The following RPA1 variants were observed in gnomAD, a reference collection of about 807,000 sequenced individuals.
RPA1 encodes replication protein A 70 kDa DNA-binding subunit.
In RPA1, 49 loss-of-function variants were observed where a neutral mutation model predicts 83.0. The observed-to-expected ratio is 0.59, with a 90% CI of 0.47 to 0.75. RPA1 has a LOEUF of 0.75. Ranked by LOEUF, RPA1 falls within the 30% of genes least tolerant of loss-of-function variation. The pLI is 0.00. For synonymous variants in RPA1, 279 were observed against 281.8 expected (o/e 0.99, Z 0.10); for missense variants, 693 against 776.1 (o/e 0.89, Z 1.27).
intron 5 of RPA1, among the ~76,000 whole-genome samples, chr17:1,864,587 G>A (rs2151280694): frequency 6.6e-6 from 1 of 152,038 alleles, no homozygotes; most frequent in African/African-American, 2.4e-5. Context: ...TCTTCAATTA[G>A]TCCATAACTA....
intron 13 of RPA1, among the ~76,000 whole-genome samples, chr17:1,885,797 C>T (rs1413153000): frequency 6.6e-6 from 1 of 152,184 alleles, no homozygotes; most frequent in Non-Finnish European, 1.5e-5. Flanking sequence ...AATTTACTTT[C>T]CCCAGATCCA....
In RPA1 at chr17:1,878,787, G is replaced by A. The variant is rs144945471; in HGVS notation, c.691-206G>A. Reference sequence around the variant, plus strand: ...CTAGCTGAAATTCTCATTCTTCAGCGGGGCCAGTGACTTCAGTGTGTGACT... The same window carrying A: ...CTAGCTGAAATTCTCATTCTTCAGCAGGGCCAGTGACTTCAGTGTGTGACT... On this transcript the variant is annotated intron_variant, in intron 8 of 16. Coordinates refer to ENST00000254719, the MANE Select transcript of RPA1 (RefSeq NM_002945.5). Among the ~76,000 whole-genome samples the A allele has an allele frequency of 1.6e-3, 242 of 152,242 alleles. No individual in the cohort carries two copies. Among genetic ancestry groups the A allele is most frequent in the Middle Eastern group, 6.8e-3 (2 of 294 alleles).
intron 7 of RPA1, 44 bp downstream of exon 7, chr17:1,875,837 C>T (rs757533253): frequency 6.4e-6 from 10 of 1,568,318 alleles, no homozygotes; most frequent in East Asian, 2.3e-5. Context: ...CTTATGAAAT[C>T]GGAGAAGCTA....
At chr17:1,895,116 C>A in intron 16 of RPA1, 21 bp downstream of exon 16, 1 of 1,598,748 alleles carries the variant, frequency 6.3e-7, no homozygotes, top group Middle Eastern at 1.7e-4. Context: ...GCCTGGGCAG[C>A]AGGGTTGGTG....
In RPA1 at chr17:1,843,955, G is replaced by A. The variant is rs750212932; in HGVS notation, c.120G>A (p.Pro40=). 13 of 1,613,794 alleles carry A rather than the reference G, an allele frequency of 8.1e-6. No homozygotes were observed. The highest frequency in any genetic ancestry group is 3.3e-5 in the Admixed American group (2 of 59,936). The change falls in exon 3 of 17, where the codon CCG becomes CCA. Residue 40 remains proline, a synonymous_variant. Transcript: ENST00000254719. ...IRPITTGNSP[P]RYRLLMSDGL... Reference sequence around the variant, plus strand: ...CCATTACTACGGGGAATAGTCCGCCGCGTTATCGACTGCTCATGAGTGATG... The same window carrying A: ...CCATTACTACGGGGAATAGTCCGCCACGTTATCGACTGCTCATGAGTGATG...
chr17:1,839,695 T>A (rs1246976860), intron 1 of RPA1, among the ~76,000 whole-genome samples: 2 of 150,076 alleles, frequency 1.3e-5, no homozygotes, highest in Non-Finnish European at 1.5e-5. Flanking sequence ...TGCAGTGACA[T>A]ACATGATCAT....
chr17:1,840,477 A>T (rs146229270), intron 1 of RPA1, among the ~76,000 whole-genome samples: 17 of 152,122 alleles, frequency 1.1e-4, no homozygotes, highest in Non-Finnish European at 2.4e-4. Flanking sequence ...TAGCAGAGAC[A>T]GGGTTTCACC....
chr17:1,869,081 G>A (rs1459922184), intron 5 of RPA1, among the ~76,000 whole-genome samples: 1 of 152,220 alleles, frequency 6.6e-6, no homozygotes, highest in Non-Finnish European at 1.5e-5. Context: ...GTTTGTAGTT[G>A]TTAAGAAAGT....
intron 5 of RPA1, among the ~76,000 whole-genome samples, chr17:1,866,681 A>G (rs1458396434): frequency 3.5e-5 from 5 of 143,086 alleles, no homozygotes; most frequent in Admixed American, 6.9e-5. Flanking sequence ...GGCTGGTCTC[A>G]AACTCCTGAC....
Position 1,875,762 on chromosome 17 carries a change from C to G in RPA1, c.556C>G (p.Pro186Ala). Residue 186 changes from proline (P) to alanine (A), a missense_variant, in exon 7 of 17, where the codon CCC becomes GCC. Coordinates refer to ENST00000254719, the MANE Select transcript of RPA1 (RefSeq NM_002945.5). ...TSGGTQSKVVPIASLTPYQSK... is the reference protein window; with the variant it reads ...TSGGTQSKVVAIASLTPYQSK... The stretch of plus-strand genomic sequence containing the variant: ...TGGGGGAACACAGTCCAAAGTGGTG[C>G]CCATTGCCAGCCTCACTCCTTACCA... The G allele has an allele frequency of 6.2e-7, 1 of 1,614,064 alleles. No homozygotes were observed. The highest frequency in any genetic ancestry group is 8.5e-7 in the Non-Finnish European group (1 of 1,180,010).
chr17:1,872,563 G>A, intron 6 of RPA1, 37 bp downstream of exon 6: 1 of 1,605,774 alleles, frequency 6.2e-7, no homozygotes, highest in Non-Finnish European at 8.5e-7. Context: ...GACCAGGGGT[G>A]TCAGACTTCG....
Position 1,891,859 on chromosome 17 carries a change from T to C in RPA1, c.1578T>C (p.Asn526=). ...LSVNIADFQE[N]QWVTCFQESA... is the part of the protein sequence containing the mutation. ...TAAATATTGCAGATTTTCAAGAGAATCAGTGGGTGACTTGTTTCCAGGAGT... is the reference window on the plus strand; with the variant it reads ...TAAATATTGCAGATTTTCAAGAGAACCAGTGGGTGACTTGTTTCCAGGAGT... Residue 526 remains asparagine (N), a synonymous_variant, in exon 15 of 17, where the codon AAT becomes AAC. Transcript: ENST00000254719. The C allele has an allele frequency of 6.2e-7, 1 of 1,603,200 alleles. No homozygotes were observed. The highest frequency in any genetic ancestry group is 8.5e-7 in the Non-Finnish European group (1 of 1,171,540).
At position 1,859,181 on chromosome 17, in the gene RPA1, G is replaced by C. The variant is rs536646079; in HGVS notation, c.361+5992G>C. On this transcript the variant is annotated intron_variant, in intron 5 of 16. Coordinates refer to ENST00000254719, the MANE Select transcript of RPA1 (RefSeq NM_002945.5). Reference sequence around the variant, plus strand: ...GCCTCCCAAAGTGCTGGGATTACAGGAGTGACCCACCTTCCCCAGCCTTGA... The same window carrying C: ...GCCTCCCAAAGTGCTGGGATTACAGCAGTGACCCACCTTCCCCAGCCTTGA... Among the ~76,000 whole-genome samples the C allele has an allele frequency of 2.7e-3, 412 of 152,272 alleles. 1 individual carries two copies. The highest frequency in any genetic ancestry group is 9.5e-3 in the African/African-American group (395 of 41,568).
intron 13 of RPA1, among the ~76,000 whole-genome samples, chr17:1,886,242 A>G (rs1397677820): frequency 6.6e-6 from 1 of 152,224 alleles, no homozygotes; most frequent in Non-Finnish European, 1.5e-5. Flanking sequence ...AGTGGGCTTA[A>G]AATATTCAAT....
In RPA1 at chr17:1,836,720, G is replaced by A. The variant is rs183558172; in HGVS notation, c.34-6083G>A. Among the ~76,000 whole-genome samples, 217 of 150,378 alleles carry A rather than the reference G, an allele frequency of 1.4e-3. 1 individual carries two copies. The Middle Eastern group carries it at 0.028, about 19-fold the overall frequency. On this transcript the variant is annotated intron_variant, in intron 1 of 16. Transcript: ENST00000254719. Reference sequence around the variant, plus strand: ...TCTGTCACCCAGGCTGGAGTGCAGCGACACAGTCATGGCTCACTCCAGCCT... The same window carrying A: ...TCTGTCACCCAGGCTGGAGTGCAGCAACACAGTCATGGCTCACTCCAGCCT...
At chr17:1,831,625 A>G (rs1597410884) in intron 1 of RPA1, among the ~76,000 whole-genome samples, 2 of 147,456 alleles carry the variant, frequency 1.4e-5, no homozygotes, top group South Asian at 2.1e-4. Context: ...TTGAGCTGGA[A>G]TCTTGCTCTG....
intron 1 of RPA1, among the ~76,000 whole-genome samples, chr17:1,841,965 TATGTC>T (rs1454750441): frequency 6.6e-6 from 1 of 152,220 alleles, no homozygotes; most frequent in African/African-American, 2.4e-5. Flanking sequence ...ACTTGGATAA[TATGTC>T]ATGACATATT....
In RPA1 at chr17:1,899,345, A is replaced by G. The variant is rs1914567010; in HGVS notation, c.*2170A>G. On this transcript the variant is annotated 3_prime_UTR_variant, in exon 17 of 17. Coordinates refer to ENST00000254719, the MANE Select transcript of RPA1 (RefSeq NM_002945.5). ...GTTCTGTTTCTCCTCTTTCACTTAG[A>G]GATCAATGTTGATTTTGCGTACACC... 6.6e-6 allele frequency: 1 copy of G among 152,192 alleles called. No individual in the cohort carries two copies. The highest frequency in any genetic ancestry group is 1.9e-4 in the East Asian group (1 of 5,190). The allele number at this position is 152,192 out of a possible 1,614,324, so 9.4% of individuals were successfully genotyped here.
intron 5 of RPA1, among the ~76,000 whole-genome samples, chr17:1,853,555 C>T (rs921828765): frequency 1.3e-5 from 2 of 152,132 alleles, no homozygotes; most frequent in Admixed American, 6.5e-5. Flanking sequence ...TAGAGGCCTG[C>T]GCCTGTAATC....
Sources: gnomAD v4.1 joint callset for allele counts (sites outside exome capture counted in the v4.1 genomes callset) on GRCh38, gnomAD v4.1.1 for gene constraint, MANE v1.5 for transcripts, NCBI Gene and HGNC (gene_info 2026-07-23, HGNC 2026-07-21) for gene names.